HORMAD2: variants seen among roughly 807,000 people sequenced by gnomAD.
The protein encoded by HORMAD2 is HORMA domain containing 2.
Under a neutral mutation model 38.8 loss-of-function variants are expected in HORMAD2, and 45 were observed. The ratio of observed to expected loss-of-function variants is 1.16; its 90% CI spans 0.91 to 1.49. The LOEUF is 1.49. Among genes scored for constraint, HORMAD2 ranks in the 40% most tolerant of loss-of-function variants. The pLI is 0.00. For synonymous variants in HORMAD2, 126 were observed against 122.8 expected (o/e 1.03, Z -0.17); for missense variants, 338 against 367.0 (o/e 0.92, Z 0.65).
chr22:30,117,864 C>G (rs1426145558), intron 7 of HORMAD2, among the ~76,000 whole-genome samples: 1 of 152,112 alleles, frequency 6.6e-6, no homozygotes, highest in Non-Finnish European at 1.5e-5. Context: ...GGAAATTTGT[C>G]CCTCTTTATT....
At chr22:30,085,718 C>T (rs1176683543) in intron 1 of HORMAD2, among the ~76,000 whole-genome samples, 1 of 152,198 alleles carries the variant, frequency 6.6e-6, no homozygotes, top group Non-Finnish European at 1.5e-5. Flanking sequence ...TATACCACTG[C>T]ACTTCACCTG....
In HORMAD2 at chr22:30,122,005, G is replaced by A; in HGVS notation, c.610G>A (p.Val204Ile). 6.2e-7 allele frequency: 1 copy of A among 1,612,546 alleles called. No individual in the cohort carries two copies. Among genetic ancestry groups the A allele is most frequent in the South Asian group, 1.1e-5 (1 of 90,828 alleles). ...DYQPLGFKEG[V>I]NSHFLLFDKE... ...CCAACCCCTCGGTTTTAAAGAAGGG[G>A]TAAATTCACACTTCCTGCTGTTTGA... The change falls in exon 10 of 11, where the codon GTA (valine) becomes ATA (isoleucine). Residue 204 changes from valine to isoleucine, a missense_variant. Coordinates refer to ENST00000336726, the MANE Select transcript of HORMAD2 (RefSeq NM_152510.4).
chr22:30,139,067 G>T (rs1473351237), intron 10 of HORMAD2, among the ~76,000 whole-genome samples: 2 of 151,652 alleles, frequency 1.3e-5, no homozygotes, highest in African/African-American at 4.8e-5. Context: ...GATTGCCTTA[G>T]ACTTCATCTG....
At chr22:30,095,868 ATTG>A in intron 2 of HORMAD2, among the ~76,000 whole-genome samples, 1 of 152,120 alleles carries the variant, frequency 6.6e-6, no homozygotes. Context: ...AACTTAACAC[ATTG>A]TTATAAGCCA....
intron 3 of HORMAD2, among the ~76,000 whole-genome samples, chr22:30,101,852 A>T (rs938045065): frequency 6.6e-6 from 1 of 152,142 alleles, no homozygotes; most frequent in Non-Finnish European, 1.5e-5. Context: ...AGACTGCTTG[A>T]GCCTAGGAAT....
intron 10 of HORMAD2, chr22:30,136,729 C>G (rs1923687118): frequency 6.0e-6 from 1 of 165,438 alleles, no homozygotes; most frequent in Admixed American, 6.4e-5. Flanking sequence ...ATTTTAGCAC[C>G]TTTCTCATCC....
Position 30,121,987 on chromosome 22 carries a change from C to T in HORMAD2, c.592C>T (p.Leu198Phe). The T allele has an allele frequency of 1.2e-6, 2 of 1,611,670 alleles. No individual in the cohort carries two copies. Among genetic ancestry groups the T allele is most frequent in the Non-Finnish European group, 1.7e-6 (2 of 1,178,810 alleles). Reference sequence around the variant, plus strand: ...AGTGACCCCACATGATTACCAACCCCTCGGTTTTAAAGAAGGGGTAAATTC... The same window carrying T: ...AGTGACCCCACATGATTACCAACCCTTCGGTTTTAAAGAAGGGGTAAATTC... ...NAVTPHDYQP[L>F]GFKEGVNSHF... The change falls in exon 10 of 11, where the codon CTC (leucine) becomes TTC (phenylalanine). Residue 198 changes from leucine to phenylalanine, a missense_variant. Leu to Phe is a conservative substitution (Grantham distance 22). Coordinates refer to ENST00000336726, the MANE Select transcript of HORMAD2 (RefSeq NM_152510.4).
intron 10 of HORMAD2, among the ~76,000 whole-genome samples, chr22:30,149,683 A>G (rs933999094): frequency 7.2e-5 from 11 of 152,162 alleles, no homozygotes; most frequent in East Asian, 5.8e-4. Flanking sequence ...CTTGTTTCCT[A>G]TTCTTGGTTT....
intron 3 of HORMAD2, among the ~76,000 whole-genome samples, chr22:30,100,339 AT>A (rs1221764609): frequency 6.6e-6 from 1 of 152,232 alleles, no homozygotes; most frequent in East Asian, 1.9e-4. Flanking sequence ...TGAGTAAAGG[AT>A]TCCCTATTTA....
chr22:30,098,779 T>C, intron 2 of HORMAD2, 73 bp from the exon 3 acceptor site: 2 of 1,246,462 alleles, frequency 1.6e-6, no homozygotes, highest in Non-Finnish European at 2.2e-6. Flanking sequence ...TTTCATCATA[T>C]ATGTGGTAAT....
chr22:30,195,495 G>A, the HORMAD2 span, among the ~76,000 whole-genome samples: 1 of 152,192 alleles, frequency 6.6e-6, no homozygotes, highest in African/African-American at 2.4e-5. Flanking sequence ...TGGCAGGGCA[G>A]GCTCTTTGAC....
the HORMAD2 span, among the ~76,000 whole-genome samples, chr22:30,203,805 C>T: frequency 1.3e-5 from 2 of 152,212 alleles, no homozygotes; most frequent in East Asian, 1.9e-4. Context: ...CATCCTTATA[C>T]ACACATTCAC....
At chr22:30,158,937 G>A (rs1285903333) in intron 10 of HORMAD2, among the ~76,000 whole-genome samples, 3 of 151,972 alleles carry the variant, frequency 2.0e-5, no homozygotes, top group Admixed American at 2.0e-4. Flanking sequence ...TGCACACCTC[G>A]GCCTCCAAAA....
chr22:30,140,269 T>C (rs1458699613), intron 10 of HORMAD2, among the ~76,000 whole-genome samples: 1 of 149,844 alleles, frequency 6.7e-6, no homozygotes, highest in African/African-American at 2.4e-5. Context: ...GTCAAAAAAA[T>C]AAAAAAGAAA....
At chr22:30,137,091 A>G (rs1007506159) in intron 10 of HORMAD2, 6 of 360,336 alleles carry the variant, frequency 1.7e-5, no homozygotes, top group East Asian at 5.4e-5. Flanking sequence ...CTTGACATCA[A>G]TGTGAACTTA....
At chr22:30,201,575 G>T in the HORMAD2 span, among the ~76,000 whole-genome samples, 18 of 151,860 alleles carry the variant, frequency 1.2e-4, no homozygotes, top group Admixed American at 3.9e-4. Context: ...CCACCCCCTC[G>T]CCCGGCTAAT....
chr22:30,113,184 A>G (rs1921789234), intron 7 of HORMAD2, among the ~76,000 whole-genome samples: 2 of 151,932 alleles, frequency 1.3e-5, no homozygotes, highest in Non-Finnish European at 2.9e-5. Flanking sequence ...ACAATTTAAC[A>G]CTCTCAATTG....
At chr22:30,131,878 G>A (rs1923310570) in intron 10 of HORMAD2, among the ~76,000 whole-genome samples, 1 of 152,096 alleles carries the variant, frequency 6.6e-6, no homozygotes, top group Admixed American at 6.5e-5. Context: ...TTCCCTCCAT[G>A]AAGCTCATTT....
chr22:30,110,804 A>G (rs11913656), intron 5 of HORMAD2, among the ~76,000 whole-genome samples: 2,467 of 152,210 alleles, frequency 0.016, 25 homozygotes, highest in Middle Eastern at 0.027. Context: ...ATTATTTTCA[A>G]TAAATACAGT....
Sources: allele counts gnomAD v4.1 joint callset (sites outside exome capture counted in the v4.1 genomes callset), GRCh38; gene constraint gnomAD v4.1.1; transcripts MANE v1.5; gene names NCBI Gene and HGNC (gene_info 2026-07-23, HGNC 2026-07-21).